The following ABCC11 variants were observed in gnomAD, a reference collection of about 807,000 sequenced individuals.
ABCC11 encodes ATP binding cassette subfamily C member 11, also known as ATP-binding cassette sub-family C member 11.
Under a neutral mutation model 149.3 loss-of-function variants are expected in ABCC11, and 135 were observed. The observed-to-expected ratio is 0.90, with a 90% confidence interval of 0.79 to 1.04. The LOEUF is 1.04. ABCC11 is among the 50% of genes least tolerant of loss of function. The pLI, the probability that ABCC11 is intolerant of heterozygous loss-of-function variation, is 0.00. For synonymous variants in ABCC11, 665 were observed against 671.4 expected (o/e 0.99, Z 0.15); for missense variants, 1,680 against 1,722.1 (o/e 0.98, Z 0.43).
intron 13 of ABCC11, among the ~76,000 whole-genome samples, chr16:48,204,702 T>C (rs937472131): frequency 6.6e-6 from 1 of 152,186 alleles, no homozygotes; most frequent in Non-Finnish European, 1.5e-5. Context: ...ATCTATGTTG[T>C]TCCCGGGGGC....
chr16:48,235,956 T>C (rs958003737), intron 1 of ABCC11, among the ~76,000 whole-genome samples: 12 of 152,178 alleles, frequency 7.9e-5, no homozygotes, highest in African/African-American at 2.9e-4. Context: ...TTTATTTCCA[T>C]GTTCTTATGC....
intron 1 of ABCC11, among the ~76,000 whole-genome samples, chr16:48,240,638 T>G (rs1014369883): frequency 1.3e-5 from 2 of 152,100 alleles, no homozygotes; most frequent in Non-Finnish European, 2.9e-5. Context: ...TGTTTACCTA[T>G]GTAACAAACC....
intron 1 of ABCC11, among the ~76,000 whole-genome samples, chr16:48,239,201 G>A (rs995984238): frequency 6.6e-6 from 1 of 151,972 alleles, no homozygotes; most frequent in Admixed American, 6.6e-5. Flanking sequence ...ATTGAAACTG[G>A]ACCCCTTCCT....
At position 48,239,957 on chromosome 16, in the gene ABCC11, A is replaced by ATT. The variant is rs1271776516; in HGVS notation, c.-19+7356_-19+7357insAA. ...ATCACTGATCATTAGAGAAATGCAA[A>ATT]TCAAAACCACAGTGAGATGCCATCT... On this transcript the variant is annotated intron_variant, in intron 1 of 29. Transcript: ENST00000356608. Among the ~76,000 whole-genome samples, 7 of 152,374 alleles carry ATT rather than the reference A, an allele frequency of 4.6e-5. No homozygotes were observed. In the East Asian group the frequency reaches 9.6e-4, roughly 21 times the overall value.
intron 1 of ABCC11, among the ~76,000 whole-genome samples, chr16:48,240,458 A>G (rs1188304501): frequency 6.6e-6 from 1 of 152,084 alleles, no homozygotes; most frequent in African/African-American, 2.4e-5. Context: ...CTCACTTATA[A>G]GTGGAAGCTG....
intron 23 of ABCC11, among the ~76,000 whole-genome samples, chr16:48,183,723 A>G (rs1436775365): frequency 2.6e-5 from 4 of 152,230 alleles, no homozygotes; most frequent in African/African-American, 9.6e-5. Context: ...AGATCGTGCC[A>G]CTGTGCTCCA....
At chr16:48,245,679 A>C (rs1971335314) in intron 1 of ABCC11, among the ~76,000 whole-genome samples, 1 of 152,142 alleles carries the variant, frequency 6.6e-6, no homozygotes, top group African/African-American at 2.4e-5. Flanking sequence ...TTTTGAAAAA[A>C]CTTTTTGATT....
At chr16:48,211,671 T>C (rs1419529564) in intron 10 of ABCC11, among the ~76,000 whole-genome samples, 1 of 151,714 alleles carries the variant, frequency 6.6e-6, no homozygotes, top group Non-Finnish European at 1.5e-5. Context: ...TAGTGAGACT[T>C]CCATCTCTTT....
chr16:48,217,501 C>G (rs780536696), intron 6 of ABCC11, among the ~76,000 whole-genome samples: 1 of 152,034 alleles, frequency 6.6e-6, no homozygotes, highest in African/African-American at 2.4e-5. Context: ...GAGGCTGAGG[C>G]GGGAGGATTA....
chr16:48,183,961 G>C (rs1707534487), intron 23 of ABCC11, among the ~76,000 whole-genome samples: 1 of 152,074 alleles, frequency 6.6e-6, no homozygotes, highest in Admixed American at 6.5e-5. Context: ...CTAGGGGCTG[G>C]GCTGTGAAAC....
At chr16:48,225,167 G>A (rs1969993207) in intron 4 of ABCC11, among the ~76,000 whole-genome samples, 1 of 150,448 alleles carries the variant, frequency 6.6e-6, no homozygotes, top group African/African-American at 2.4e-5. Flanking sequence ...GAGCCGAGAT[G>A]GCGCCACTGC....
chr16:48,211,132 A>G lies in ABCC11; in HGVS notation c.1424T>C (p.Val475Ala), dbSNP rs1220976591. 1 of 1,614,146 alleles carries G rather than the reference A, an allele frequency of 6.2e-7. No individual in the cohort carries two copies. Among genetic ancestry groups the G allele is most frequent in the South Asian group, 1.1e-5 (1 of 91,078 alleles). ...QTLQDPSKAL[V>A]FEEATLSWQQ... The stretch of plus-strand genomic sequence containing the variant: ...CCATGACAAGGTGGCCTCCTCAAAG[A>G]CCAGAGCTTTGCTGGGGTCTTGTAA... The change falls in exon 11 of 30, where the codon GTC (valine) becomes GCC (alanine). Residue 475 changes from valine (V) to alanine (A), a missense_variant. Physicochemically the swap from Val to Ala is moderately conservative, Grantham distance 64. Coordinates refer to ENST00000356608, the MANE Select transcript of ABCC11 (RefSeq NM_001370497.1).
chr16:48,195,506 C>T (rs1317815411), intron 18 of ABCC11, among the ~76,000 whole-genome samples: 1 of 152,044 alleles, frequency 6.6e-6, no homozygotes, highest in Admixed American at 6.6e-5. Flanking sequence ...CCAATGTAAA[C>T]GATGAGTAAA....
chr16:48,184,479 G>A lies in ABCC11; in HGVS notation c.3219C>T (p.Pro1073=), dbSNP rs1214623976. ...LFVAFGISST[P]YSFKVMAVNI... Reference sequence around the variant, plus strand: ...TGACAGCCATGACTTTAAAGGAGTAGGGGGTGGAGGAAATGCCAAAAGCCA... The same window carrying A: ...TGACAGCCATGACTTTAAAGGAGTAAGGGGTGGAGGAAATGCCAAAAGCCA... Residue 1073 remains proline, a synonymous_variant, in exon 23 of 30, where the codon CCC becomes CCT. Coordinates refer to ENST00000356608, the MANE Select transcript of ABCC11 (RefSeq NM_001370497.1). The A allele has an allele frequency of 6.2e-7, 1 of 1,614,196 alleles. No individual in the cohort carries two copies. The highest frequency in any genetic ancestry group is 2.2e-5 in the East Asian group (1 of 44,886).
chr16:48,208,330 G>C, intron 12 of ABCC11, 95 bp downstream of exon 12: 1 of 1,369,926 alleles, frequency 7.3e-7, no homozygotes. Context: ...CCCCTGTGAG[G>C]AAGAAAGCAG....
At chr16:48,242,779 A>G (rs1308670965) in intron 1 of ABCC11, among the ~76,000 whole-genome samples, 2 of 152,152 alleles carry the variant, frequency 1.3e-5, no homozygotes, top group Non-Finnish European at 2.9e-5. Context: ...CATCATTCTG[A>G]GCAAACTATC....
In ABCC11 at chr16:48,176,981, T is replaced by G. The variant is rs763012072; in HGVS notation, c.3481A>C (p.Ile1161Leu). Residue 1161 changes from isoleucine to leucine, a missense_variant, in exon 25 of 30, where the codon ATC (isoleucine) becomes CTC (leucine). Ile to Leu is a conservative substitution (Grantham distance 5). Transcript: ENST00000356608. Reference sequence around the variant, plus strand: ...TCGTGGCCGCGGATGGTCAGGTTGATGCCGTGAAGCACGGTGGGTGTGTTG... The same window carrying G: ...TCGTGGCCGCGGATGGTCAGGTTGAGGCCGTGAAGCACGGTGGGTGTGTTG... ...RDNTPTVLHG[I>L]NLTIRGHEVV... 6.2e-7 allele frequency: 1 copy of G among 1,614,204 alleles called. No individual in the cohort carries two copies. The highest frequency in any genetic ancestry group is 8.5e-7 in the Non-Finnish European group (1 of 1,180,030).
chr16:48,202,239 T>C (rs1968049950), intron 14 of ABCC11, among the ~76,000 whole-genome samples: 1 of 152,232 alleles, frequency 6.6e-6, no homozygotes, highest in Non-Finnish European at 1.5e-5. Flanking sequence ...TGAGACCTTG[T>C]TCTTCCTATT....
At chr16:48,183,515 AC>A (rs951857347) in intron 23 of ABCC11, among the ~76,000 whole-genome samples, 2 of 152,244 alleles carry the variant, frequency 1.3e-5, no homozygotes, top group African/African-American at 4.8e-5. Flanking sequence ...GAGTGCCAGC[AC>A]TTTGGGAGAC....
Sources: allele counts gnomAD v4.1 joint callset (sites outside exome capture counted in the v4.1 genomes callset), GRCh38; gene constraint gnomAD v4.1.1; transcripts MANE v1.5; gene names NCBI Gene and HGNC (gene_info 2026-07-23, HGNC 2026-07-21).